The following RPH3AL variants were observed in gnomAD, a reference collection of about 807,000 sequenced individuals.
The protein encoded by RPH3AL is rabphilin 3A like (without C2 domains).
In RPH3AL, 38 loss-of-function variants were observed where a neutral mutation model predicts 43.1. That is an observed-to-expected ratio of 0.88 (90% CI 0.68 to 1.15). RPH3AL has a LOEUF of 1.15. Ranked by LOEUF, RPH3AL falls within the 50% of genes most tolerant of loss-of-function variation. RPH3AL has a pLI of 0.00. For missense variants in RPH3AL, 462 were observed against 423.2 expected (o/e 1.09, Z -0.81); for synonymous variants, 189 against 176.3 (o/e 1.07, Z -0.57).
At chr17:343,562 C>T (rs1008403502) in intron 1 of RPH3AL, among the ~76,000 whole-genome samples, 1 of 152,204 alleles carries the variant, frequency 6.6e-6, no homozygotes, top group African/African-American at 2.4e-5. Flanking sequence ...GGGCAACTTC[C>T]TTCATTTCTC....
At chr17:329,337 G>A (rs1046998425) in intron 2 of RPH3AL, among the ~76,000 whole-genome samples, 2 of 152,126 alleles carry the variant, frequency 1.3e-5, no homozygotes, top group African/African-American at 4.8e-5. Flanking sequence ...TTAGCTGGGT[G>A]TGGTGGCGAG....
intron 5 of RPH3AL, among the ~76,000 whole-genome samples, chr17:305,659 G>T (rs991270544): frequency 3.3e-5 from 5 of 152,064 alleles, no homozygotes. Context: ...CAGGTTCGAG[G>T]GAAGAAGACA....
intron 5 of RPH3AL, among the ~76,000 whole-genome samples, chr17:302,326 C>T (rs1197648195): frequency 6.6e-6 from 1 of 152,228 alleles, no homozygotes; most frequent in East Asian, 1.9e-4. Context: ...CAGCTGTCTC[C>T]CGACTCTCGC....
At chr17:250,403 C>G (rs143909369) in intron 6 of RPH3AL, among the ~76,000 whole-genome samples, 2 of 140,194 alleles carry the variant, frequency 1.4e-5, no homozygotes, top group Non-Finnish European at 3.1e-5. Flanking sequence ...TAAGCTCCGT[C>G]GCTGCGGGAC....
At chr17:216,974 C>A (rs1309640971) in intron 8 of RPH3AL, among the ~76,000 whole-genome samples, 1 of 147,094 alleles carries the variant, frequency 6.8e-6, no homozygotes, top group Non-Finnish European at 1.5e-5. Flanking sequence ...AGGCATTTCA[C>A]TCCCATCTGG....
chr17:326,439 T>C (rs1175244605), intron 3 of RPH3AL, among the ~76,000 whole-genome samples: 1 of 152,158 alleles, frequency 6.6e-6, no homozygotes, highest in African/African-American at 2.4e-5. Context: ...ACTTATCACA[T>C]GCCAGAGACG....
chr17:305,502 C>G (rs1329435689), intron 5 of RPH3AL, among the ~76,000 whole-genome samples: 3 of 152,148 alleles, frequency 2.0e-5, no homozygotes, highest in Non-Finnish European at 4.4e-5. Context: ...CAGGTCGGTT[C>G]CTTCTCCACT....
In RPH3AL at chr17:310,100, C is replaced by T. The variant is rs1051184221; in HGVS notation, c.351+9320G>A. Among the ~76,000 whole-genome samples, 11 of 152,130 alleles carry T rather than the reference C, an allele frequency of 7.2e-5. No homozygotes were observed. The South Asian group carries it at 8.3e-4, about 12-fold the overall frequency. On this transcript the variant is annotated intron_variant, in intron 5 of 9. Transcript: ENST00000331302. ...GGTGACAATGCATCCCAGGCTCAGG[C>T]GGGCTCTGCTGTGGCCCTGCCCAGC...
At chr17:253,762 C>A (rs984925873) in intron 6 of RPH3AL, among the ~76,000 whole-genome samples, 1 of 128,650 alleles carries the variant, frequency 7.8e-6, no homozygotes, top group Non-Finnish European at 1.7e-5. Context: ...CTACGTACTT[C>A]CTATGAGGGG....
chr17:349,982 T>C (rs2045321581), intron 1 of RPH3AL, among the ~76,000 whole-genome samples: 1 of 152,204 alleles, frequency 6.6e-6, no homozygotes, highest in African/African-American at 2.4e-5. Context: ...ATTAGATTCC[T>C]CCAAGTTAAA....
At chr17:315,104 C>A (rs903379468) in intron 5 of RPH3AL, among the ~76,000 whole-genome samples, 8 of 82,628 alleles carry the variant, frequency 9.7e-5, no homozygotes, top group Admixed American at 1.4e-4. Flanking sequence ...GTCCCTGTGA[C>A]CCCACCTCCA....
chr17:315,178 C>G (rs149006141), intron 5 of RPH3AL, among the ~76,000 whole-genome samples: 4,629 of 8,296 alleles, frequency 0.56, 666 homozygotes, highest in East Asian at 0.61. Context: ...CACCTCCATT[C>G]ACCTGTAGTC....
At chr17:233,889 TTC>T (rs780446930) in intron 7 of RPH3AL, among the ~76,000 whole-genome samples, 1,911 of 38,526 alleles carry the variant, frequency 0.05, 32 homozygotes, top group African/African-American at 0.081. Context: ...CTGACCAACT[TTC>T]CCCCAAGCGG....
intron 5 of RPH3AL, among the ~76,000 whole-genome samples, chr17:316,797 T>C (rs964108201): frequency 8.1e-6 from 1 of 124,014 alleles, no homozygotes; most frequent in Non-Finnish European, 1.6e-5. Context: ...TCCATTGACC[T>C]GTAGTCCCTG....
chr17:330,162 C>T (rs1432243237), intron 2 of RPH3AL, among the ~76,000 whole-genome samples: 6 of 152,354 alleles, frequency 3.9e-5, no homozygotes, highest in South Asian at 4.1e-4. Flanking sequence ...AGACCGCCTC[C>T]GCCTGACCAC....
chr17:219,261 C>T (rs965700093), intron 8 of RPH3AL, among the ~76,000 whole-genome samples: 2 of 117,250 alleles, frequency 1.7e-5, no homozygotes, highest in Non-Finnish European at 3.2e-5. Flanking sequence ...TTCAGTGATG[C>T]AATCTGGGCT....
chr17:219,604 AT>A lies in RPH3AL; in HGVS notation c.727+18del, dbSNP rs1400394563. 2 of 1,531,762 alleles carry A rather than the reference AT, an allele frequency of 1.3e-6. No homozygotes were observed. The highest frequency in any genetic ancestry group is 1.8e-6 in the Non-Finnish European group (2 of 1,113,944). 94.9% of individuals were successfully genotyped at this position (1,531,762 alleles called of 1,614,324 possible). A position where few individuals can be genotyped will look rare whatever the true frequency, so the allele number is the denominator to read the frequency against. On this transcript the variant is annotated intron_variant, in intron 8 of 9. Coordinates refer to ENST00000331302, the MANE Select transcript of RPH3AL (RefSeq NM_006987.4). ...GCACCGTGCCCGGCCAATAAGCAGC[AT>A]TTCACTCCCCACCTTACCTGACTCC...
intron 6 of RPH3AL, among the ~76,000 whole-genome samples, chr17:256,045 G>A (rs868927468): frequency 1.3e-3 from 51 of 39,158 alleles, no homozygotes; most frequent in Admixed American, 2.1e-3. Context: ...TACTTCCTAT[G>A]AGGGGAGCCG....
chr17:265,391 A>AT (rs1302517221), intron 6 of RPH3AL, among the ~76,000 whole-genome samples: 1 of 152,166 alleles, frequency 6.6e-6, no homozygotes, highest in Non-Finnish European at 1.5e-5. Context: ...GCCAAGAGAT[A>AT]TTTTTTGTAT....
Sources: gnomAD v4.1 joint callset for allele counts (sites outside exome capture counted in the v4.1 genomes callset) on GRCh38, gnomAD v4.1.1 for gene constraint, MANE v1.5 for transcripts, NCBI Gene and HGNC (gene_info 2026-07-23, HGNC 2026-07-21) for gene names.